Variants in ABCB1 observed in about 807,000 individuals in gnomAD.
ABCB1 encodes the protein ATP binding cassette subfamily B member 1.
ABCB1 carries 69 observed loss-of-function variants against 142.0 expected under a neutral mutation model. The observed-to-expected ratio is 0.49, with a 90% CI of 0.40 to 0.59. The LOEUF (loss-of-function observed/expected upper bound fraction) is 0.59. ABCB1 is among the 20% of genes least tolerant of loss of function. The pLI, the probability that ABCB1 is intolerant of heterozygous loss-of-function variation, is 0.00. For missense variants in ABCB1, 1,326 were observed against 1,554.7 expected (o/e 0.85, Z 2.47); for synonymous variants, 532 against 539.2 (o/e 0.99, Z 0.18).
intron 26 of ABCB1, among the ~76,000 whole-genome samples, chr7:87,508,779 A>G (rs1370716567): frequency 6.6e-6 from 1 of 152,142 alleles, no homozygotes; most frequent in Non-Finnish European, 1.5e-5. Flanking sequence ...GTGAGTTTTG[A>G]GGCTTGGGAG....
chr7:87,694,679 C>T (rs934522236), intron 1 of ABCB1, among the ~76,000 whole-genome samples: 1 of 152,102 alleles, frequency 6.6e-6, no homozygotes, highest in Non-Finnish European at 1.5e-5. Context: ...ATGTGTAGCT[C>T]TCTGTGTGGA....
intron 1 of ABCB1, among the ~76,000 whole-genome samples, chr7:87,690,934 CAG>C (rs370524690): frequency 8.7e-5 from 13 of 149,936 alleles, no homozygotes; most frequent in Admixed American, 1.3e-4. Flanking sequence ...AATATATATG[CAG>C]AGAGAGAGAG....
At chr7:87,637,758 T>C (rs1821936167) in intron 1 of ABCB1, among the ~76,000 whole-genome samples, 1 of 152,108 alleles carries the variant, frequency 6.6e-6, no homozygotes, top group South Asian at 2.1e-4. Context: ...AAAATACTGG[T>C]CTTATATCTA....
intron 1 of ABCB1, among the ~76,000 whole-genome samples, chr7:87,643,746 C>T (rs985328994): frequency 1.3e-5 from 2 of 151,812 alleles, no homozygotes; most frequent in African/African-American, 4.8e-5. Context: ...AGGCTAGTCT[C>T]GAACTCCTGA....
At chr7:87,661,370 T>A (rs1468039719) in intron 1 of ABCB1, among the ~76,000 whole-genome samples, 1 of 151,986 alleles carries the variant, frequency 6.6e-6, no homozygotes, top group East Asian at 1.9e-4. Flanking sequence ...TCTATCTAAC[T>A]ACATTTTTGT....
intron 21 of ABCB1, chr7:87,522,258 T>G (rs1233422359): frequency 8.4e-6 from 8 of 949,310 alleles, no homozygotes; most frequent in Non-Finnish European, 1.4e-5. Flanking sequence ...TTACAACAAT[T>G]AGTTTTACAT....
At chr7:87,661,555 A>G (rs1206719807) in intron 1 of ABCB1, among the ~76,000 whole-genome samples, 1 of 151,892 alleles carries the variant, frequency 6.6e-6, no homozygotes, top group Non-Finnish European at 1.5e-5. Context: ...GTCATTTAAC[A>G]TAATGTCCTC....
intron 1 of ABCB1, among the ~76,000 whole-genome samples, chr7:87,656,399 G>A (rs1163969627): frequency 6.6e-6 from 1 of 152,088 alleles, no homozygotes; most frequent in Non-Finnish European, 1.5e-5. Flanking sequence ...GAATTGGTTG[G>A]TTGTGGGTAG....
rs556376827 is a variant in ABCB1, at chr7:87,644,206, T to C, written c.-330-43128A>G. 2.6e-5 allele frequency among the ~76,000 whole-genome samples: 4 copies of C among 152,282 alleles called. No homozygotes were observed. In the South Asian group the frequency reaches 8.3e-4, roughly 32 times the overall value. On this transcript the variant is annotated intron_variant, in intron 1 of 28. Coordinates refer to the ABCB1 transcript ENST00000265724. ...AATTCTCTGTGTTTCTGATGTAAAA[T>C]ATAAGAGAGAAAATAGGCCTTCCAG...
intron 5 of ABCB1, among the ~76,000 whole-genome samples, chr7:87,568,295 C>G (rs1028433824): frequency 2.1e-5 from 2 of 93,252 alleles, no homozygotes; most frequent in Non-Finnish European, 4.8e-5. Context: ...GTGGTGCACA[C>G]CTGTAATCCC....
rs1402908397 is a variant in ABCB1 at position 87,544,315 on chromosome 7, T to C, written c.2065-40A>G. The stretch of plus-strand genomic sequence containing the variant: ...TTATTACAACAGGCTAGTTAAAAAC[T>C]TTTATATGTACAATTCTTACATACG... On this transcript the variant is annotated intron_variant, in intron 16 of 27. Transcript: ENST00000622132. 4 of 1,600,958 alleles carry C rather than the reference T, an allele frequency of 2.5e-6. No individual in the cohort carries two copies. The Admixed American group carries it at 5.0e-5, about 20-fold the overall frequency.
intron 1 of ABCB1, chr7:87,700,446 A>C (rs749444560): frequency 1.2e-6 from 2 of 1,612,068 alleles, no homozygotes; most frequent in South Asian, 2.2e-5. Flanking sequence ...TTGGTTATGA[A>C]AGTCCTCGTA....
At chr7:87,600,289 A>G (rs1819395180) in intron 1 of ABCB1, 99 bp from the exon 2 acceptor site, 5 of 994,486 alleles carry the variant, frequency 5.0e-6, no homozygotes, top group African/African-American at 1.6e-5. Flanking sequence ...GAGAGCAGTA[A>G]GAGGGAGCGC....
In ABCB1 at chr7:87,626,403, GTATGTGTCATATA is replaced by G. The variant is rs1376104126; in HGVS notation, c.-330-25338_-330-25326del. Reference sequence around the variant, plus strand: ...TATGTGTCATATATATGTGTCATATGTATGTGTCATATATATGTGTCATATGTATGTGTCATAT... The same window carrying G: ...TATGTGTCATATATATGTGTCATATGTATGTGTCATATGTATGTGTCATAT... On this transcript the variant is annotated intron_variant, in intron 1 of 28. Transcript: ENST00000265724. 1.6e-4 allele frequency among the ~76,000 whole-genome samples: 3 copies of G among 18,666 alleles called. 1 individual carries two copies. The highest frequency in any genetic ancestry group is 1.6e-3 in the African/African-American group (2 of 1,238). 12.2% of individuals were successfully genotyped at this position (18,666 alleles called of 152,430 possible). A position where few individuals can be genotyped will look rare whatever the true frequency, so the allele number is the denominator to read the frequency against.
chr7:87,658,741 G>C (rs947124301), intron 1 of ABCB1, among the ~76,000 whole-genome samples: 1 of 152,138 alleles, frequency 6.6e-6, no homozygotes, highest in South Asian at 2.1e-4. Context: ...AGTGCTGAAA[G>C]ATAACTGTCA....
chr7:87,690,526 T>C (rs1827909863), intron 1 of ABCB1, among the ~76,000 whole-genome samples: 1 of 152,134 alleles, frequency 6.6e-6, no homozygotes. Flanking sequence ...TTTTAAAGCT[T>C]AAGAAAAGTT....
Position 87,531,528 on chromosome 7 carries a change from A to G in ABCB1, c.2482-31T>C, listed in dbSNP as rs754409465. The G allele has an allele frequency of 1.9e-6, 3 of 1,597,114 alleles. No individual in the cohort carries two copies. The South Asian group carries it at 3.3e-5, about 18-fold the overall frequency. Reference sequence around the variant, plus strand: ...AAACAAAACAAATTAGAGAAATTTTAAAAATATTATCTTCACAACTCATGC... The same window carrying G: ...AAACAAAACAAATTAGAGAAATTTTGAAAATATTATCTTCACAACTCATGC... On this transcript the variant is annotated intron_variant, in intron 20 of 27. Transcript: ENST00000622132.
chr7:87,626,437 C>CAT lies in ABCB1; in HGVS notation c.-330-25361_-330-25360dup, dbSNP rs1203344341. Among the ~76,000 whole-genome samples, 12 of 16,240 alleles carry CAT rather than the reference C, an allele frequency of 7.4e-4. 2 individuals carry two copies. Among genetic ancestry groups the CAT allele is most frequent in the African/African-American group, 9.8e-4 (1 of 1,024 alleles). 10.7% of individuals were successfully genotyped at this position (16,240 alleles called of 152,430 possible). On this transcript the variant is annotated intron_variant, in intron 1 of 28. Transcript: ENST00000265724. The stretch of plus-strand genomic sequence containing the variant: ...ATATATATGTGTCATATGTATGTGT[C>CAT]ATATATGTGTCATATATATGTGTCA...
At chr7:87,611,298 G>T (rs1258881632) in intron 1 of ABCB1, among the ~76,000 whole-genome samples, 1 of 152,064 alleles carries the variant, frequency 6.6e-6, no homozygotes, top group Non-Finnish European at 1.5e-5. Context: ...ATTGCATAAT[G>T]CTGAGGTTTG....
Sources: gnomAD v4.1 joint callset for allele counts (sites outside exome capture counted in the v4.1 genomes callset) on GRCh38, gnomAD v4.1.1 for gene constraint, MANE v1.5 for transcripts, NCBI Gene and HGNC (gene_info 2026-07-23, HGNC 2026-07-21) for gene names.